The following MYO5B variants were observed in gnomAD, a reference collection of about 807,000 sequenced individuals.
MYO5B encodes myosin VB, also known as unconventional myosin-Vb.
In MYO5B, 143 loss-of-function variants were observed where a neutral mutation model predicts 229.3. The observed-to-expected ratio is 0.62, with a 90% CI of 0.54 to 0.72. MYO5B has a LOEUF of 0.72. Among genes scored for constraint, MYO5B ranks in the 30% least tolerant of loss-of-function variants. The pLI is 0.00. For missense variants in MYO5B, 2,321 were observed against 2,331.0 expected, an observed-to-expected ratio of 1.00 and a Z score of 0.09; for synonymous variants, 918 against 885.2, an observed-to-expected ratio of 1.04 and a Z score of -0.66.
chr18:50,130,429 C>G (rs1316611841), intron 1 of MYO5B, among the ~76,000 whole-genome samples: 4 of 152,182 alleles, frequency 2.6e-5, no homozygotes, highest in Admixed American at 1.3e-4. Flanking sequence ...CAGAAGGAAA[C>G]CTGTACAACC....
chr18:50,026,138 A>C (rs1049871407), intron 4 of MYO5B, among the ~76,000 whole-genome samples: 1 of 152,244 alleles, frequency 6.6e-6, no homozygotes, highest in Non-Finnish European at 1.5e-5. Context: ...TGCAAGCACC[A>C]GAAGGGACTA....
At chr18:49,933,325 G>A (rs1046695946) in intron 16 of MYO5B, among the ~76,000 whole-genome samples, 8 of 152,184 alleles carry the variant, frequency 5.3e-5, no homozygotes, top group Admixed American at 6.5e-5. Context: ...TGCCCTGTCA[G>A]CACTTTCACA....
intron 1 of MYO5B, among the ~76,000 whole-genome samples, chr18:50,120,077 G>T (rs1790432): frequency 0.62 from 93,698 of 152,084 alleles, 29,013 homozygotes; most frequent in Admixed American, 0.69. Context: ...CACAGAAAGT[G>T]GTGTGTGCAT....
At chr18:49,953,907 T>C (rs907534098) in intron 13 of MYO5B, among the ~76,000 whole-genome samples, 2 of 100,384 alleles carry the variant, frequency 2.0e-5, no homozygotes, top group Admixed American at 2.0e-4. Flanking sequence ...TGTGTGTGTG[T>C]GTGTGTGTGT....
At chr18:49,863,181 C>T in intron 29 of MYO5B, 46 bp downstream of exon 29, 2 of 1,466,112 alleles carry the variant, frequency 1.4e-6, no homozygotes, top group Non-Finnish European at 1.9e-6. Context: ...TGGGCAGGGC[C>T]CTTCTCCGCG....
chr18:50,180,871 T>C (rs2033063903), intron 1 of MYO5B, among the ~76,000 whole-genome samples: 1 of 152,234 alleles, frequency 6.6e-6, no homozygotes, highest in African/African-American at 2.4e-5. Flanking sequence ...AGGCTGAATA[T>C]ATCCCACTGT....
intron 17 of MYO5B, among the ~76,000 whole-genome samples, chr18:49,921,357 A>G (rs1237056637): frequency 6.6e-6 from 1 of 150,710 alleles, no homozygotes; most frequent in Non-Finnish European, 1.5e-5. Flanking sequence ...CAATTTCTCC[A>G]GGACACAAAG....
rs868844185 is a variant in MYO5B at position 49,954,256 on chromosome 18, T to C, written c.1668+57A>G. The C allele has an allele frequency of 1.3e-4, 202 of 1,605,554 alleles. 3 individuals carry two copies. The Middle Eastern group carries it at 3.1e-3, about 25-fold the overall frequency. On this transcript the variant is annotated intron_variant, in intron 13 of 39. Coordinates refer to ENST00000285039, the MANE Select transcript of MYO5B (RefSeq NM_001080467.3). Reference sequence around the variant, plus strand: ...ATTTCTCTCTAGGTCTAGAGCCCATTGAGTCTACTTAGAGAGGGGCCAAGG... The same window carrying C: ...ATTTCTCTCTAGGTCTAGAGCCCATCGAGTCTACTTAGAGAGGGGCCAAGG...
At chr18:49,916,592 A>C (rs989907158) in intron 17 of MYO5B, among the ~76,000 whole-genome samples, 1 of 152,170 alleles carries the variant, frequency 6.6e-6, no homozygotes, top group African/African-American at 2.4e-5. Flanking sequence ...ACACAGCTGT[A>C]CCACAGACAG....
chr18:49,981,336 T>G (rs1224309363), intron 8 of MYO5B, among the ~76,000 whole-genome samples: 1 of 152,202 alleles, frequency 6.6e-6, no homozygotes, highest in Non-Finnish European at 1.5e-5. Context: ...ACAGCTGCTC[T>G]CCCCATTCCT....
rs536764066 is a variant in MYO5B at position 50,132,746 on chromosome 18, A to G, written c.27+62021T>C. Among the ~76,000 whole-genome samples, 4 of 152,328 alleles carry G rather than the reference A, an allele frequency of 2.6e-5. No individual in the cohort carries two copies. In the South Asian group the frequency reaches 8.3e-4, roughly 32 times the overall value. On this transcript the variant is annotated intron_variant, in intron 1 of 39. Transcript: ENST00000285039. ...AAAATTCGCATGGGTTGAACCTCCA[A>G]TGTTTAAACATAGTTAAGTGGGAGC...
chr18:50,184,582 G>A (rs989442714), intron 1 of MYO5B, among the ~76,000 whole-genome samples: 1 of 152,146 alleles, frequency 6.6e-6, no homozygotes, highest in African/African-American at 2.4e-5. Flanking sequence ...GCTGAGAAGT[G>A]ATTTGGCACA....
intron 1 of MYO5B, among the ~76,000 whole-genome samples, chr18:50,146,581 A>G (rs1213606606): frequency 6.6e-6 from 1 of 152,204 alleles, no homozygotes; most frequent in African/African-American, 2.4e-5. Context: ...GCACCTAGAT[A>G]TCTTTAGCGA....
intron 1 of MYO5B, among the ~76,000 whole-genome samples, chr18:50,083,600 G>T (rs888569266): frequency 6.6e-6 from 1 of 152,176 alleles, no homozygotes; most frequent in Non-Finnish European, 1.5e-5. Flanking sequence ...TGACACGTGG[G>T]CATCACAGCA....
At chr18:49,973,772 G>A (rs1471955886) in intron 10 of MYO5B, among the ~76,000 whole-genome samples, 2 of 152,154 alleles carry the variant, frequency 1.3e-5, no homozygotes, top group African/African-American at 4.8e-5. Flanking sequence ...CCACACCACG[G>A]TGGCTCTCCC....
intron 29 of MYO5B, among the ~76,000 whole-genome samples, chr18:49,858,919 C>T (rs1348592854): frequency 6.6e-6 from 1 of 152,224 alleles, no homozygotes; most frequent in Non-Finnish European, 1.5e-5. Flanking sequence ...GGAGGGAGCG[C>T]CACCTCCTGG....
At chr18:49,968,722 G>A (rs2144271163) in intron 10 of MYO5B, among the ~76,000 whole-genome samples, 1 of 152,148 alleles carries the variant, frequency 6.6e-6, no homozygotes, top group East Asian at 1.9e-4. Context: ...AAGGGCCTAG[G>A]CAAGACTCTT....
At chr18:50,074,188 A>G (rs1376965158) in intron 1 of MYO5B, among the ~76,000 whole-genome samples, 1 of 152,230 alleles carries the variant, frequency 6.6e-6, no homozygotes, top group Non-Finnish European at 1.5e-5. Context: ...GCAAAAGCAG[A>G]AAACCTTGAT....
At chr18:50,072,354 G>C (rs2030977291) in intron 1 of MYO5B, among the ~76,000 whole-genome samples, 1 of 152,238 alleles carries the variant, frequency 6.6e-6, no homozygotes, top group Non-Finnish European at 1.5e-5. Flanking sequence ...CTGTGGAGCA[G>C]CTGGTGAAAA....
Sources: gnomAD v4.1 joint callset for allele counts (sites outside exome capture counted in the v4.1 genomes callset) on GRCh38, gnomAD v4.1.1 for gene constraint, MANE v1.5 for transcripts, NCBI Gene and HGNC (gene_info 2026-07-23, HGNC 2026-07-21) for gene names.